Variants in ADGRL2 observed in about 807,000 individuals in gnomAD.
ADGRL2 encodes the protein adhesion G protein-coupled receptor L2.
ADGRL2 carries 44 observed loss-of-function variants against 157.4 expected under a neutral mutation model. That is an observed-to-expected ratio of 0.28 (90% confidence interval 0.22 to 0.36). The LOEUF (loss-of-function observed/expected upper bound fraction) is 0.36. Ranked by LOEUF, ADGRL2 falls within the 10% of genes least tolerant of loss-of-function variation. The pLI is 1.00. For missense variants in ADGRL2, 1,510 were observed against 1,768.9 expected, an observed-to-expected ratio of 0.85 and a Z score of 2.63; for synonymous variants, 585 against 624.7, an observed-to-expected ratio of 0.94 and a Z score of 0.95.
At chr1:81,606,776 GCA>G (rs776890711) in intron 3 of ADGRL2, among the ~76,000 whole-genome samples, 19,104 of 141,860 alleles carry the variant, frequency 0.13, 1,664 homozygotes, top group Non-Finnish European at 0.19. Context: ...GTGTGTGTGC[GCA>G]CGCGTGTGTG....
At chr1:81,799,454 T>C (rs142346166), upstream of ADGRL2, among the ~76,000 whole-genome samples, 9 of 152,324 alleles carry the variant, frequency 5.9e-5, no homozygotes, top group Non-Finnish European at 1.0e-4. Flanking sequence ...CAAAAGAACA[T>C]GTTCTAGTTA....
chr1:81,948,204 A>G (rs953466943), intron 6 of ADGRL2, among the ~76,000 whole-genome samples: 2 of 150,152 alleles, frequency 1.3e-5, no homozygotes, highest in Non-Finnish European at 3.0e-5. Context: ...TGACAGAGCA[A>G]GACTCCATCT....
intron 2 of ADGRL2, among the ~76,000 whole-genome samples, chr1:81,847,383 T>A (rs1455862673): frequency 1.3e-5 from 2 of 151,942 alleles, no homozygotes. Flanking sequence ...TAAGATAATG[T>A]CTGTATTAGG....
At chr1:81,659,596 G>C (rs2148874221) in intron 3 of ADGRL2, among the ~76,000 whole-genome samples, 1 of 152,210 alleles carries the variant, frequency 6.6e-6, no homozygotes, top group Admixed American at 6.5e-5. Flanking sequence ...AAAATGGATT[G>C]ACCGCAGGAT....
intron 1 of ADGRL2, among the ~76,000 whole-genome samples, chr1:81,318,253 T>C (rs1246198517): frequency 6.6e-6 from 1 of 152,182 alleles, no homozygotes; most frequent in African/African-American, 2.4e-5. Context: ...GTTTATTGAT[T>C]GATATTAGTC....
intron 19 of ADGRL2, among the ~76,000 whole-genome samples, chr1:81,984,089 T>A (rs1019365130): frequency 6.6e-6 from 1 of 151,952 alleles, no homozygotes; most frequent in African/African-American, 2.4e-5. Flanking sequence ...TATACAGAGG[T>A]TACCCGCAGA....
upstream of ADGRL2, among the ~76,000 whole-genome samples, chr1:81,699,370 G>A (rs548213540): frequency 6.6e-6 from 1 of 152,298 alleles, no homozygotes; most frequent in South Asian, 2.1e-4. Flanking sequence ...TCAGCAAATA[G>A]GTATTTGCCA....
intron 2 of ADGRL2, among the ~76,000 whole-genome samples, chr1:81,458,300 A>G (rs1395051864): frequency 6.6e-6 from 1 of 152,204 alleles, no homozygotes; most frequent in Non-Finnish European, 1.5e-5. Flanking sequence ...GTTGTTACCT[A>G]TAGGCATAAT....
At chr1:81,452,364 T>G (rs944647229) in intron 2 of ADGRL2, among the ~76,000 whole-genome samples, 19 of 152,256 alleles carry the variant, frequency 1.2e-4, no homozygotes, top group Admixed American at 1.0e-3. Flanking sequence ...CAAAAGCAAT[T>G]AAAATGTGAC....
intron 3 of ADGRL2, among the ~76,000 whole-genome samples, chr1:81,670,156 T>G (rs1018557629): frequency 1.3e-5 from 2 of 152,194 alleles, no homozygotes; most frequent in Admixed American, 1.3e-4. Flanking sequence ...AATGGGTCAC[T>G]TACTATATAC....
At chr1:81,539,993 G>A (rs374834591) in intron 2 of ADGRL2, among the ~76,000 whole-genome samples, 1 of 152,030 alleles carries the variant, frequency 6.6e-6, no homozygotes. Flanking sequence ...CTCCCAAACA[G>A]GTGGCATAGT....
chr1:81,656,946 G>T (rs567152540), intron 3 of ADGRL2, among the ~76,000 whole-genome samples: 1 of 146,772 alleles, frequency 6.8e-6, no homozygotes, highest in East Asian at 2.0e-4. Context: ...GGAGGTCGAG[G>T]TTACCATGAG....
At position 81,975,196 on chromosome 1, in the gene ADGRL2, A is replaced by G. The variant is rs74663670; in HGVS notation, c.3021+3278A>G. The stretch of plus-strand genomic sequence containing the variant: ...GACATTTAGCCTGGTGGGTTGTCAT[A>G]TGTATGTACCACAATCCTAATAGCC... On this transcript the variant is annotated intron_variant, in intron 17 of 23. Transcript: ENST00000686636. Among the ~76,000 whole-genome samples, 392 of 152,164 alleles carry G rather than the reference A, an allele frequency of 2.6e-3. 8 individuals are homozygous for G. The East Asian group carries it at 0.034, about 13-fold the overall frequency.
At chr1:81,926,386 A>G (rs148005549) in intron 3 of ADGRL2, among the ~76,000 whole-genome samples, 19 of 152,098 alleles carry the variant, frequency 1.2e-4, no homozygotes, top group East Asian at 1.2e-3. Flanking sequence ...AAAACATCAC[A>G]GATTGGCTCC....
At chr1:81,975,088 C>T (rs1181635731) in intron 17 of ADGRL2, among the ~76,000 whole-genome samples, 2 of 151,938 alleles carry the variant, frequency 1.3e-5, no homozygotes, top group Non-Finnish European at 2.9e-5. Context: ...CACACCTGCA[C>T]ACAGACACAC....
At chr1:81,981,631 G>A (rs1661695368) in intron 18 of ADGRL2, among the ~76,000 whole-genome samples, 177 bp from the exon 19 acceptor site, 1 of 151,956 alleles carries the variant, frequency 6.6e-6, no homozygotes, top group African/African-American at 2.4e-5. Flanking sequence ...ACTGGAGGCT[G>A]CAGTACTAAA....
chr1:81,391,038 C>T (rs950802212), intron 1 of ADGRL2, among the ~76,000 whole-genome samples: 2 of 152,414 alleles, frequency 1.3e-5, no homozygotes, highest in East Asian at 1.9e-4. Flanking sequence ...ACACTAAAAC[C>T]GTTTGGTAAC....
intron 1 of ADGRL2, among the ~76,000 whole-genome samples, chr1:81,388,241 G>A (rs2076472710): frequency 6.6e-6 from 1 of 152,130 alleles, no homozygotes. Context: ...TGCTTTGTGT[G>A]TGTTTTATTC....
intron 3 of ADGRL2, among the ~76,000 whole-genome samples, chr1:81,622,292 G>T (rs1046867455): frequency 6.6e-6 from 1 of 151,758 alleles, no homozygotes; most frequent in African/African-American, 2.4e-5. Context: ...TAAAACCTAC[G>T]TTTTTTTTGG....
Sources: gnomAD v4.1 joint callset for allele counts (sites outside exome capture counted in the v4.1 genomes callset) on GRCh38, gnomAD v4.1.1 for gene constraint, MANE v1.5 for transcripts, NCBI Gene and HGNC (gene_info 2026-07-23, HGNC 2026-07-21) for gene names.